Variants in PPID observed in about 807,000 individuals in gnomAD.
The protein encoded by PPID is peptidylprolyl isomerase D.
PPID carries 47 observed loss-of-function variants against 48.1 expected under a neutral mutation model. The ratio of observed to expected loss-of-function variants is 0.98; its 90% CI spans 0.77 to 1.25. The LOEUF (loss-of-function observed/expected upper bound fraction) is 1.25, where lower values mean the gene tolerates loss of function less well. Among genes scored for constraint, PPID ranks in the 50% most tolerant of loss-of-function variants. The pLI is 0.00. For missense variants in PPID, 429 were observed against 443.5 expected, an observed-to-expected ratio of 0.97 and a Z score of 0.29; for synonymous variants, 163 against 148.8, an observed-to-expected ratio of 1.10 and a Z score of -0.69.
intron 2 of PPID, among the ~76,000 whole-genome samples, chr4:158,719,742 A>T (rs1388900530): frequency 6.6e-6 from 1 of 152,202 alleles, no homozygotes; most frequent in Non-Finnish European, 1.5e-5. Flanking sequence ...CTGAATACAG[A>T]CCAATGATTC....
intron 7 of PPID, among the ~76,000 whole-genome samples, chr4:158,711,388 CTAA>C: frequency 6.7e-6 from 1 of 148,322 alleles, no homozygotes. Context: ...CCACACCAGA[CTAA>C]TTTTTTTTTT....
chr4:158,723,347 G>T lies in PPID; in HGVS notation c.-59C>A. ...AGAGTACCTAGTGGCCGCCCGGGCCGCCCAAACTCCAGAGTCCGTCTCCGC... is the reference window on the plus strand; with the variant it reads ...AGAGTACCTAGTGGCCGCCCGGGCCTCCCAAACTCCAGAGTCCGTCTCCGC... On this transcript the variant is annotated 5_prime_UTR_variant, in exon 1 of 10. Coordinates refer to ENST00000307720, the MANE Select transcript of PPID (RefSeq NM_005038.3). 1 of 1,522,824 alleles carries T rather than the reference G, an allele frequency of 6.6e-7. No homozygotes were observed. Among genetic ancestry groups the T allele is most frequent in the Non-Finnish European group, 9.1e-7 (1 of 1,104,164 alleles). 94.3% of individuals were successfully genotyped at this position (1,522,824 alleles called of 1,614,324 possible). A position where few individuals can be genotyped will look rare whatever the true frequency, so the allele number is the denominator to read the frequency against.
Position 158,723,206 on chromosome 4 carries a change from CG to C in PPID, c.82del (p.Arg28GlufsTer7). The C allele has an allele frequency of 6.2e-7, 1 of 1,613,234 alleles. No individual in the cohort carries two copies. Among genetic ancestry groups the C allele is most frequent in the Non-Finnish European group, 8.5e-7 (1 of 1,179,568 alleles). ...CGCGAGCGTCAGACTCCGCTCACCT[CG>C]CTCCCCTCCGATGTCCACGTCAAAG... Reference protein sequence around the residue: ...VFFDVDIGGERVGRIVLELFA... With the variant: ...VFFDVDIGGEXVGRIVLELFA... On this transcript the variant is annotated frameshift_variant, in exon 1 of 10. Coordinates refer to ENST00000307720, the MANE Select transcript of PPID (RefSeq NM_005038.3). LOFTEE classifies it high-confidence loss of function.
chr4:158,719,101 T>C, intron 3 of PPID, 79 bp downstream of exon 3: 1 of 877,842 alleles, frequency 1.1e-6, no homozygotes, highest in Non-Finnish European at 1.8e-6. Context: ...GAAACATTTT[T>C]TGGTGTCTTA....
In PPID at chr4:158,721,466, C is replaced by T. The variant is rs756732759; in HGVS notation, c.103G>A (p.Glu35Lys). 3 of 1,613,946 alleles carry T rather than the reference C, an allele frequency of 1.9e-6. No individual in the cohort carries two copies. In the East Asian group the frequency reaches 6.7e-5, roughly 36 times the overall value. ...TTGGGTACGATATCTGCAAACAATT[C>T]TAAGACAATTCGACCAACTAAAAGA... is the stretch of plus-strand genomic sequence containing the variant. ...GGERVGRIVL[E>K]LFADIVPKTA... Residue 35 changes from glutamate (E) to lysine (K), a missense_variant, in exon 2 of 10, where the codon GAA becomes AAA. Transcript: ENST00000307720.
At chr4:158,723,077 A>G in intron 1 of PPID, 127 bp downstream of exon 1, 1 of 928,232 alleles carries the variant, frequency 1.1e-6, no homozygotes, top group Non-Finnish European at 1.7e-6. Flanking sequence ...GGACCAGCCT[A>G]GGCAGCCATC....
intron 5 of PPID, 49 bp downstream of exon 5, chr4:158,715,513 T>G (rs756704824): frequency 2.5e-6 from 4 of 1,594,516 alleles, no homozygotes; most frequent in Non-Finnish European, 3.4e-6. Flanking sequence ...GTACTAAATA[T>G]TTTCACTTAC....
rs1225441048 is a variant in PPID, at chr4:158,713,234, A to G, written c.779T>C (p.Ile260Thr). The G allele has an allele frequency of 1.2e-6, 2 of 1,613,736 alleles. No individual in the cohort carries two copies. The highest frequency in any genetic ancestry group is 1.3e-5 in the African/African-American group (1 of 74,930). ...CAGCTTGGCTCTATCTGCTGTCTCAATAACAGCCTTTGAACTGTCCACGTA... is the reference window on the plus strand; with the variant it reads ...CAGCTTGGCTCTATCTGCTGTCTCAGTAACAGCCTTTGAACTGTCCACGTA... ...LRYVDSSKAV[I>T]ETADRAKLQP... is the part of the protein sequence containing the mutation. The change falls in exon 7 of 10, where the codon ATT becomes ACT. Residue 260 changes from isoleucine to threonine, a missense_variant. Physicochemically the swap from Ile to Thr is moderately conservative, Grantham distance 89. Coordinates refer to ENST00000307720, the MANE Select transcript of PPID (RefSeq NM_005038.3).
intron 7 of PPID, among the ~76,000 whole-genome samples, chr4:158,712,319 A>C (rs1774801553): frequency 6.6e-6 from 1 of 152,170 alleles, no homozygotes; most frequent in Non-Finnish European, 1.5e-5. Flanking sequence ...GTCCTGATGA[A>C]CCTAAATTGA....
At chr4:158,712,131 A>T (rs189132870) in intron 7 of PPID, among the ~76,000 whole-genome samples, 106 of 152,360 alleles carry the variant, frequency 7.0e-4, no homozygotes, top group African/African-American at 2.0e-3. Flanking sequence ...CTTAATATGT[A>T]AAATTCTTAA....
Position 158,709,548 on chromosome 4 carries a change from C to G in PPID, c.*188G>C. The stretch of plus-strand genomic sequence containing the variant: ...CTCCATCTCAAAGAAACAAACAAAA[C>G]CACTTTACTTACTGTATTGTGACAT... On this transcript the variant is annotated 3_prime_UTR_variant, in exon 10 of 10. Transcript: ENST00000307720. 2 of 440,614 alleles carry G rather than the reference C, an allele frequency of 4.5e-6. No individual in the cohort carries two copies. The highest frequency in any genetic ancestry group is 8.0e-6 in the Non-Finnish European group (2 of 251,482). 27.3% of individuals were successfully genotyped at this position (440,614 alleles called of 1,614,324 possible).
intron 2 of PPID, among the ~76,000 whole-genome samples, chr4:158,720,217 A>G (rs900350362): frequency 7.2e-5 from 11 of 152,238 alleles, no homozygotes; most frequent in African/African-American, 2.7e-4. Flanking sequence ...TCAAGTTCCC[A>G]GACTCCAAAC....
chr4:158,712,386 T>C (rs1474992279), intron 7 of PPID, among the ~76,000 whole-genome samples: 1 of 152,196 alleles, frequency 6.6e-6, no homozygotes, highest in African/African-American at 2.4e-5. Flanking sequence ...TATGGATCTT[T>C]TAATTAAAAT....
chr4:158,710,923 C>G, intron 7 of PPID, 75 bp from the exon 8 acceptor site: 1 of 1,291,674 alleles, frequency 7.7e-7, no homozygotes, highest in Non-Finnish European at 1.1e-6. Flanking sequence ...CATTGCCTAT[C>G]AACTCCAAAC....
intron 4 of PPID, 137 bp from the exon 5 acceptor site, chr4:158,715,821 T>C (rs897507082): frequency 1.1e-6 from 1 of 889,108 alleles, no homozygotes; most frequent in Non-Finnish European, 1.7e-6. Context: ...TATAATGCTG[T>C]TTTTATACAT....
chr4:158,717,029 C>G lies in PPID; in HGVS notation c.505G>C (p.Gly169Arg). 6.2e-7 allele frequency: 1 copy of G among 1,612,888 alleles called. No homozygotes were observed. The highest frequency in any genetic ancestry group is 8.5e-7 in the Non-Finnish European group (1 of 1,179,426). Reference sequence around the variant, plus strand: ...TTACTTACTTTAGCAGGTTTTTCACCTTTCACTTCCACATTTTCCAATATC... The same window carrying G: ...TTACTTACTTTAGCAGGTTTTTCACGTTTCACTTCCACATTTTCCAATATC... ...ARILENVEVK[G>R]EKPAKLCVIA... The change falls in exon 4 of 10, where the codon GGT becomes CGT. Residue 169 changes from glycine (G) to arginine (R), a missense_variant. Gly to Arg is a moderately radical substitution (Grantham distance 125). Coordinates refer to ENST00000307720, the MANE Select transcript of PPID (RefSeq NM_005038.3).
intron 6 of PPID, among the ~76,000 whole-genome samples, chr4:158,714,025 GA>G (rs915044891): frequency 2.0e-5 from 3 of 149,122 alleles, no homozygotes; most frequent in African/African-American, 7.4e-5. Flanking sequence ...TCTATAAAAG[GA>G]AAAAAAAAGA....
intron 6 of PPID, 71 bp from the exon 7 acceptor site, chr4:158,713,331 AGTGTT>A: frequency 1.5e-6 from 2 of 1,346,424 alleles, no homozygotes; most frequent in Non-Finnish European, 2.0e-6. Flanking sequence ...TATGTCCAGA[AGTGTT>A]ATGTCATTTC....
At chr4:158,720,363 T>A (rs80318964) in intron 2 of PPID, among the ~76,000 whole-genome samples, 1 of 143,174 alleles carries the variant, frequency 7.0e-6, no homozygotes, top group African/African-American at 2.4e-5. Context: ...AAATATTTTT[T>A]AAAAAGTTAA....
Sources: allele counts gnomAD v4.1 joint callset (sites outside exome capture counted in the v4.1 genomes callset), GRCh38; gene constraint gnomAD v4.1.1; transcripts MANE v1.5; gene names NCBI Gene and HGNC (gene_info 2026-07-23, HGNC 2026-07-21).